Variants in PPP1R9A observed in about 807,000 individuals in gnomAD.
PPP1R9A encodes neurabin-1.
A neutral mutation model predicts 141.9 loss-of-function variants in PPP1R9A; 59 were observed. The observed-to-expected ratio is 0.42, with a 90% CI of 0.34 to 0.52. PPP1R9A has a LOEUF of 0.52. Among genes scored for constraint, PPP1R9A ranks in the 20% least tolerant of loss-of-function variants. The probability of loss-of-function intolerance (pLI) is 0.10; values close to 1 mark genes in which losing one functional copy is unlikely to be tolerated. For missense variants in PPP1R9A, 1,444 were observed against 1,611.9 expected (o/e 0.90, Z 1.78); for synonymous variants, 500 against 569.7 (o/e 0.88, Z 1.74).
intron 8 of PPP1R9A, among the ~76,000 whole-genome samples, chr7:95,241,821 T>G (rs770135357): frequency 5.9e-5 from 9 of 152,162 alleles, no homozygotes; most frequent in Non-Finnish European, 1.0e-4. Flanking sequence ...TCCACTACCA[T>G]GTAGGGAAGC....
chr7:95,054,791 T>G (rs2152027945), intron 2 of PPP1R9A, among the ~76,000 whole-genome samples: 1 of 152,332 alleles, frequency 6.6e-6, no homozygotes, highest in African/African-American at 2.4e-5. Context: ...TTGAATAGTA[T>G]TTGAAAATTT....
chr7:95,074,873 A>G (rs1256832710), intron 2 of PPP1R9A, among the ~76,000 whole-genome samples: 1 of 152,172 alleles, frequency 6.6e-6, no homozygotes, highest in African/African-American at 2.4e-5. Flanking sequence ...ACTAAGTATC[A>G]CTTAATTTTT....
chr7:95,251,155 C>G (rs1475278116), intron 10 of PPP1R9A, among the ~76,000 whole-genome samples: 2 of 152,180 alleles, frequency 1.3e-5, no homozygotes, highest in African/African-American at 4.8e-5. Flanking sequence ...CAATACATCA[C>G]TGTTTTAACT....
chr7:95,057,039 T>C (rs1326541487), intron 2 of PPP1R9A, among the ~76,000 whole-genome samples: 1 of 152,158 alleles, frequency 6.6e-6, no homozygotes, highest in Non-Finnish European at 1.5e-5. Context: ...ACAAATGTAT[T>C]ATTTGGAGAC....
chr7:95,274,790 A>G (rs540281506), intron 16 of PPP1R9A, among the ~76,000 whole-genome samples: 1 of 152,318 alleles, frequency 6.6e-6, no homozygotes, highest in South Asian at 2.1e-4. Context: ...GGAGTCAGTA[A>G]AGCATCAAGC....
intron 3 of PPP1R9A, among the ~76,000 whole-genome samples, chr7:95,120,460 A>T (rs1822365216): frequency 6.6e-6 from 1 of 152,230 alleles, no homozygotes. Flanking sequence ...TCAAGTTGTT[A>T]CCTTTTCTTG....
At chr7:95,074,465 G>GT (rs752728522) in intron 2 of PPP1R9A, among the ~76,000 whole-genome samples, 1,139 of 109,714 alleles carry the variant, frequency 0.01, 7 homozygotes, top group African/African-American at 0.026. Flanking sequence ...GCTTTTTTTT[G>GT]TTTTTTTTTT....
At chr7:95,159,749 C>T (rs866873378) in intron 4 of PPP1R9A, among the ~76,000 whole-genome samples, 1 of 151,636 alleles carries the variant, frequency 6.6e-6, no homozygotes, top group African/African-American at 2.4e-5. Context: ...TGATGAAACC[C>T]CATCTCTACT....
At chr7:94,925,611 C>T (rs1037932654) in intron 2 of PPP1R9A, among the ~76,000 whole-genome samples, 22 of 152,068 alleles carry the variant, frequency 1.4e-4, no homozygotes, top group Non-Finnish European at 1.0e-4. Context: ...GTATTCAGAT[C>T]CTGCAGACAC....
intron 2 of PPP1R9A, among the ~76,000 whole-genome samples, chr7:95,069,518 A>T (rs1270353475): frequency 6.6e-6 from 1 of 151,962 alleles, no homozygotes; most frequent in African/African-American, 2.4e-5. Context: ...CACTGTTGAG[A>T]CACTCCACGG....
intron 2 of PPP1R9A, among the ~76,000 whole-genome samples, chr7:94,968,241 C>T (rs933595113): frequency 6.6e-6 from 1 of 151,650 alleles, no homozygotes; most frequent in Non-Finnish European, 1.5e-5. Context: ...GGCGGGATCT[C>T]GGCTCACTGC....
intron 2 of PPP1R9A, among the ~76,000 whole-genome samples, chr7:94,957,512 A>T (rs1260358516): frequency 1.3e-5 from 2 of 152,118 alleles, no homozygotes; most frequent in Admixed American, 6.6e-5. Flanking sequence ...AGGAAGCAAA[A>T]GTAAGTGTGA....
chr7:95,185,589 A>T (rs1402068672), intron 5 of PPP1R9A, among the ~76,000 whole-genome samples: 1 of 152,176 alleles, frequency 6.6e-6, no homozygotes, highest in East Asian at 1.9e-4. Context: ...ATTCTTGGTC[A>T]TGAACTCTTT....
At chr7:95,013,333 A>G (rs188146104) in intron 2 of PPP1R9A, among the ~76,000 whole-genome samples, 106 of 152,268 alleles carry the variant, frequency 7.0e-4, no homozygotes, top group African/African-American at 2.4e-3. Flanking sequence ...ATTTTTAATT[A>G]CTGTATATTC....
At chr7:95,063,243 C>T (rs905245948) in intron 2 of PPP1R9A, among the ~76,000 whole-genome samples, 1 of 152,020 alleles carries the variant, frequency 6.6e-6, no homozygotes, top group Non-Finnish European at 1.5e-5. Context: ...TCTTGTGTGA[C>T]CCTGTATATG....
At chr7:95,134,140 A>G (rs2152539574) in intron 4 of PPP1R9A, among the ~76,000 whole-genome samples, 1 of 152,272 alleles carries the variant, frequency 6.6e-6, no homozygotes, top group East Asian at 1.9e-4. Context: ...TGCAGCCATA[A>G]AAAAAGAATG....
chr7:95,111,782 A>G (rs929574994), intron 3 of PPP1R9A, among the ~76,000 whole-genome samples: 2 of 152,152 alleles, frequency 1.3e-5, no homozygotes, highest in Non-Finnish European at 2.9e-5. Context: ...GATTTTTAAT[A>G]AAGGCGGTAG....
chr7:94,920,422 C>T (rs1792642684), intron 2 of PPP1R9A, among the ~76,000 whole-genome samples: 1 of 151,684 alleles, frequency 6.6e-6, no homozygotes, highest in South Asian at 2.1e-4. Flanking sequence ...TTCTCATGCA[C>T]ATATCCTTAC....
chr7:95,094,926 C>T (rs2152363358), intron 2 of PPP1R9A, among the ~76,000 whole-genome samples: 1 of 136,350 alleles, frequency 7.3e-6, no homozygotes, highest in South Asian at 2.5e-4. Context: ...GCGATTTTTA[C>T]TGATTTCATG....
Sources: gnomAD v4.1 joint callset for allele counts (sites outside exome capture counted in the v4.1 genomes callset) on GRCh38, gnomAD v4.1.1 for gene constraint, MANE v1.5 for transcripts, NCBI Gene and HGNC (gene_info 2026-07-23, HGNC 2026-07-21) for gene names.